Variants in DIS3L2 observed in about 807,000 individuals in gnomAD.
DIS3L2 encodes DIS3 like 3'-5' exoribonuclease 2, also known as DIS3-like exonuclease 2.
In DIS3L2, 34 loss-of-function variants were observed where a neutral mutation model predicts 97.5. That is an observed-to-expected ratio of 0.35 (90% CI 0.27 to 0.46). DIS3L2 has a LOEUF of 0.46. Ranked by LOEUF, DIS3L2 falls within the 20% of genes least tolerant of loss-of-function variation. DIS3L2 has a pLI of 1.00. For missense variants in DIS3L2, 1,038 were observed against 1,146.0 expected (o/e 0.91, Z 1.36); for synonymous variants, 435 against 445.2 (o/e 0.98, Z 0.29).
chr2:232,104,091 T>C (rs1392765746), intron 6 of DIS3L2, among the ~76,000 whole-genome samples: 2 of 152,192 alleles, frequency 1.3e-5, no homozygotes, highest in Admixed American at 6.5e-5. Context: ...ATAAATAATT[T>C]CTACTGTTTT....
At chr2:232,248,417 C>T (rs1182300148) in intron 11 of DIS3L2, among the ~76,000 whole-genome samples, 1 of 151,634 alleles carries the variant, frequency 6.6e-6, no homozygotes, top group Non-Finnish European at 1.5e-5. Flanking sequence ...GGAAAAGGAA[C>T]AGATAGTGGT....
chr2:232,158,316 T>C (rs1210875489), intron 8 of DIS3L2, among the ~76,000 whole-genome samples: 1 of 141,536 alleles, frequency 7.1e-6, no homozygotes, highest in African/African-American at 2.7e-5. Context: ...CGTGTGTGTG[T>C]GTGTGTGTGT....
At chr2:232,227,909 A>C (rs1018632069) in intron 10 of DIS3L2, among the ~76,000 whole-genome samples, 1 of 152,194 alleles carries the variant, frequency 6.6e-6, no homozygotes, top group African/African-American at 2.4e-5. Context: ...AAAATTATAT[A>C]TCTCTTGTAT....
chr2:232,321,788 G>T (rs1695444229), intron 14 of DIS3L2, among the ~76,000 whole-genome samples: 1 of 152,076 alleles, frequency 6.6e-6, no homozygotes, highest in Non-Finnish European at 1.5e-5. Flanking sequence ...CAAACAAGAG[G>T]CCCCCCCTTT....
chr2:232,187,886 C>T (rs955857807), intron 9 of DIS3L2, among the ~76,000 whole-genome samples: 3 of 151,954 alleles, frequency 2.0e-5, no homozygotes, highest in African/African-American at 7.3e-5. Context: ...TAAAAAGGCC[C>T]AGCACTTTGG....
chr2:232,250,775 G>A (rs1693394762), intron 12 of DIS3L2, among the ~76,000 whole-genome samples: 1 of 152,186 alleles, frequency 6.6e-6, no homozygotes, highest in Non-Finnish European at 1.5e-5. Context: ...AACGTTAAGA[G>A]TGTCAGCTTT....
chr2:232,048,853 G>A (rs1695321217), intron 5 of DIS3L2, among the ~76,000 whole-genome samples: 1 of 152,126 alleles, frequency 6.6e-6, no homozygotes, highest in Admixed American at 6.5e-5. Context: ...AAGTAGCTTA[G>A]TTACCTAATG....
intron 10 of DIS3L2, among the ~76,000 whole-genome samples, chr2:232,217,454 G>A (rs1559159712): frequency 6.6e-6 from 1 of 152,192 alleles, no homozygotes; most frequent in Non-Finnish European, 1.5e-5. Flanking sequence ...ATTCAGTTCT[G>A]ATATTCTCCG....
intron 5 of DIS3L2, among the ~76,000 whole-genome samples, chr2:232,044,573 A>G (rs1373087821): frequency 1.3e-5 from 2 of 152,196 alleles, no homozygotes; most frequent in African/African-American, 2.4e-5. Flanking sequence ...GCCTAGGGAC[A>G]TATAGGTATA....
intron 5 of DIS3L2, among the ~76,000 whole-genome samples, chr2:232,085,120 G>A (rs1446531990): frequency 6.6e-6 from 1 of 152,154 alleles, no homozygotes; most frequent in African/African-American, 2.4e-5. Context: ...GAAACTGCTA[G>A]AGCTCTCTTA....
intron 13 of DIS3L2, among the ~76,000 whole-genome samples, chr2:232,289,385 G>A (rs1464620181): frequency 6.6e-6 from 1 of 151,826 alleles, no homozygotes; most frequent in East Asian, 1.9e-4. Flanking sequence ...CGATTCTCCT[G>A]CCTCAGCCTC....
chr2:232,090,278 G>A (rs1445673848), intron 6 of DIS3L2, among the ~76,000 whole-genome samples: 1 of 151,952 alleles, frequency 6.6e-6, no homozygotes, highest in Non-Finnish European at 1.5e-5. Context: ...TACGTTACAA[G>A]CCCGCTGTAT....
intron 14 of DIS3L2, among the ~76,000 whole-genome samples, chr2:232,307,367 A>G (rs1008529068): frequency 7.9e-5 from 12 of 152,244 alleles, no homozygotes; most frequent in African/African-American, 2.9e-4. Flanking sequence ...TAGGATTATC[A>G]TGATGATTAA....
intron 11 of DIS3L2, among the ~76,000 whole-genome samples, chr2:232,244,414 A>G (rs1161391392): frequency 1.3e-5 from 2 of 152,182 alleles, no homozygotes; most frequent in Non-Finnish European, 2.9e-5. Context: ...CTCTTAACAG[A>G]GGTAGGAAAT....
intron 10 of DIS3L2, among the ~76,000 whole-genome samples, chr2:232,224,423 T>G (rs1404348396): frequency 6.6e-6 from 1 of 152,172 alleles, no homozygotes; most frequent in Non-Finnish European, 1.5e-5. Flanking sequence ...AAAAATAACC[T>G]TATGACCTTG....
intron 13 of DIS3L2, among the ~76,000 whole-genome samples, chr2:232,279,526 G>C (rs1437608446): frequency 6.6e-6 from 1 of 151,506 alleles, no homozygotes; most frequent in Non-Finnish European, 1.5e-5. Flanking sequence ...TTGTTTGTTT[G>C]TTTGTTTGTT....
At chr2:232,313,450 C>CATG (rs1695187922) in intron 14 of DIS3L2, among the ~76,000 whole-genome samples, 1 of 152,212 alleles carries the variant, frequency 6.6e-6, no homozygotes, top group Admixed American at 6.5e-5. Context: ...AGAAGGATCT[C>CATG]ATGGCTGTAC....
At chr2:232,295,450 T>C (rs1200088034) in intron 13 of DIS3L2, among the ~76,000 whole-genome samples, 1 of 152,216 alleles carries the variant, frequency 6.6e-6, no homozygotes, top group Non-Finnish European at 1.5e-5. Context: ...GTTCCACTTT[T>C]GTGTTGGATC....
chr2:232,157,816 C>G (rs1690537660), intron 8 of DIS3L2, among the ~76,000 whole-genome samples: 1 of 152,170 alleles, frequency 6.6e-6, no homozygotes, highest in South Asian at 2.1e-4. Flanking sequence ...TTGTGGAGTG[C>G]ATTTCCTGCT....
Sources: gnomAD v4.1 joint callset for allele counts (sites outside exome capture counted in the v4.1 genomes callset) on GRCh38, gnomAD v4.1.1 for gene constraint, MANE v1.5 for transcripts, NCBI Gene and HGNC (gene_info 2026-07-23, HGNC 2026-07-21) for gene names.